HIF1A: variants seen among roughly 807,000 people sequenced by gnomAD.
The protein encoded by HIF1A is hypoxia inducible factor 1 subunit alpha.
Under a neutral mutation model 92.7 loss-of-function variants are expected in HIF1A, and 24 were observed. The ratio of observed to expected loss-of-function variants is 0.26; its 90% CI spans 0.19 to 0.36. HIF1A has a LOEUF of 0.36. Among genes scored for constraint, HIF1A ranks in the 10% least tolerant of loss-of-function variants. The pLI is 1.00. For synonymous variants in HIF1A, 319 were observed against 338.7 expected (o/e 0.94, Z 0.64); for missense variants, 799 against 998.5 (o/e 0.80, Z 2.69).
chr14:61,734,437 C>G (rs1387940126), intron 8 of HIF1A, 152 bp downstream of exon 8: 1 of 602,414 alleles, frequency 1.7e-6, no homozygotes, highest in Non-Finnish European at 2.8e-6. Flanking sequence ...ATACTCTGAC[C>G]TAGGTTTCCA....
chr14:61,745,936 A>C, intron 14 of HIF1A, 119 bp downstream of exon 14: 1 of 963,664 alleles, frequency 1.0e-6, no homozygotes, highest in African/African-American at 1.7e-5. Flanking sequence ...TAAAAAGTAA[A>C]GTTGTGGCTG....
At position 61,738,202 on chromosome 14, in the gene HIF1A, C is replaced by T. The variant is rs1296444850; in HGVS notation, c.1365C>T (p.Thr455=). The T allele has an allele frequency of 1.4e-5, 22 of 1,614,066 alleles. No homozygotes were observed. The highest frequency in any genetic ancestry group is 3.3e-5 in the South Asian group (3 of 91,080). The change falls in exon 10 of 15, where the codon ACC becomes ACT. Residue 455 remains threonine, a synonymous_variant. Coordinates refer to ENST00000337138, the MANE Select transcript of HIF1A (RefSeq NM_001530.4). ...NINLAMSPLP[T]AETPKPLRSS... ...ATTTGGCAATGTCTCCATTACCCAC[C>T]GCTGAAACGCCAAAGCCACTTCGAA...
chr14:61,720,413 C>T lies in HIF1A; in HGVS notation c.67C>T (p.Arg23Ter), dbSNP rs2044413097. The change falls in exon 2 of 15, where the codon CGA (arginine) becomes TGA (stop). Residue 23 changes from arginine to a stop codon, truncating the protein, a stop_gained. Transcript: ENST00000337138. LOFTEE classifies it high-confidence loss of function. Reference protein sequence around the residue: ...ISSERRKEKSRDAARSRRSKE... With the variant: ...ISSERRKEKS ...TTCTGAACGTCGAAAAGAAAAGTCTCGAGATGCAGCCAGATCTCGGCGAAG... is the reference window on the plus strand; with the variant it reads ...TTCTGAACGTCGAAAAGAAAAGTCTTGAGATGCAGCCAGATCTCGGCGAAG... 1.9e-6 allele frequency: 3 copies of T among 1,611,784 alleles called. No homozygotes were observed. The highest frequency in any genetic ancestry group is 8.5e-7 in the Non-Finnish European group (1 of 1,179,324).
intron 1 of HIF1A, among the ~76,000 whole-genome samples, chr14:61,713,811 C>G (rs2044333379): frequency 1.3e-5 from 2 of 152,160 alleles, no homozygotes; most frequent in South Asian, 4.1e-4. Flanking sequence ...GCCAGACTTG[C>G]AACTCCTGTT....
chr14:61,708,849 T>TA (rs2044275303), intron 1 of HIF1A, among the ~76,000 whole-genome samples: 3 of 152,222 alleles, frequency 2.0e-5, no homozygotes, highest in African/African-American at 4.8e-5. Context: ...ACCTTCATCT[T>TA]AGAGTAAAAA....
chr14:61,718,633 A>G (rs2044389663), intron 1 of HIF1A, among the ~76,000 whole-genome samples: 1 of 152,212 alleles, frequency 6.6e-6, no homozygotes, highest in South Asian at 2.1e-4. Flanking sequence ...ATGCAGTGAA[A>G]TGAAAAAATT....
rs1447522222 is a variant in HIF1A, at chr14:61,748,238, A to T, written c.*1153A>T. ...ACTGTATTGTTTTGTTACATCAAAT[A>T]AACATCTTCTGTGGACCAGGCCCCT... On this transcript the variant is annotated 3_prime_UTR_variant, in exon 15 of 15. Transcript: ENST00000337138. 1 of 152,572 alleles carries T rather than the reference A, an allele frequency of 6.6e-6. No homozygotes were observed. Among genetic ancestry groups the T allele is most frequent in the African/African-American group, 2.4e-5 (1 of 41,452 alleles). 9.5% of individuals were successfully genotyped at this position (152,572 alleles called of 1,614,324 possible). A position where few individuals can be genotyped will look rare whatever the true frequency, so the allele number is the denominator to read the frequency against.
intron 1 of HIF1A, among the ~76,000 whole-genome samples, chr14:61,710,040 C>T (rs1370912238): frequency 6.6e-6 from 1 of 152,128 alleles, no homozygotes; most frequent in Non-Finnish European, 1.5e-5. Context: ...ATCTGTGCAT[C>T]TATGAGTTAT....
intron 1 of HIF1A, among the ~76,000 whole-genome samples, chr14:61,707,634 A>T (rs2044255617): frequency 6.6e-6 from 1 of 151,462 alleles, no homozygotes. Flanking sequence ...AAGGACATGA[A>T]CTCATCCTTT....
At chr14:61,734,930 C>A (rs1284834336) in intron 8 of HIF1A, among the ~76,000 whole-genome samples, 2 of 152,154 alleles carry the variant, frequency 1.3e-5, no homozygotes, top group Non-Finnish European at 1.5e-5. Flanking sequence ...AAAAGAAATT[C>A]TATGAGATTA....
At chr14:61,709,220 C>T (rs1183427066) in intron 1 of HIF1A, among the ~76,000 whole-genome samples, 1 of 152,106 alleles carries the variant, frequency 6.6e-6, no homozygotes, top group African/African-American at 2.4e-5. Flanking sequence ...ATAATCAGGG[C>T]TCAAAGATTT....
At chr14:61,725,769 A>G (rs933303362) in intron 4 of HIF1A, among the ~76,000 whole-genome samples, 1 of 151,750 alleles carries the variant, frequency 6.6e-6, no homozygotes, top group African/African-American at 2.4e-5. Context: ...TTTTAGTTAT[A>G]GAAGGTTTGA....
At position 61,710,114 on chromosome 14, in the gene HIF1A, A is replaced by G. The variant is rs113353451; in HGVS notation, c.36-10268A>G. On this transcript the variant is annotated intron_variant, in intron 1 of 14. Transcript: ENST00000337138. ...ACATTACACACAGGAGTGGAATCAT[A>G]CTCAATTTTTTTTGTATAGCCTGCT... 5.1e-3 allele frequency among the ~76,000 whole-genome samples: 775 copies of G among 152,158 alleles called. 6 individuals carry two copies. Among genetic ancestry groups the G allele is most frequent in the African/African-American group, 0.018 (727 of 41,484 alleles).
chr14:61,746,825 C>A, intron 14 of HIF1A, 109 bp from the exon 15 acceptor site: 3 of 813,248 alleles, frequency 3.7e-6, no homozygotes, highest in Non-Finnish European at 5.6e-6. Context: ...AACTAAAAAC[C>A]CTTCCAGAAT....
intron 6 of HIF1A, among the ~76,000 whole-genome samples, chr14:61,731,847 A>G (rs1450819644): frequency 1.3e-5 from 2 of 152,258 alleles, no homozygotes; most frequent in African/African-American, 4.8e-5. Context: ...AAGAATAGGT[A>G]ACAAGTAGGC....
intron 1 of HIF1A, among the ~76,000 whole-genome samples, chr14:61,704,949 C>T (rs946477461): frequency 6.6e-6 from 1 of 152,012 alleles, no homozygotes; most frequent in African/African-American, 2.4e-5. Flanking sequence ...GAGGTTCTTG[C>T]GAAGTACAGA....
intron 7 of HIF1A, among the ~76,000 whole-genome samples, chr14:61,733,488 A>G (rs1002352085): frequency 5.9e-5 from 9 of 152,192 alleles, no homozygotes; most frequent in Non-Finnish European, 1.0e-4. Flanking sequence ...ACTTTGGACT[A>G]TCTCACCTGT....
intron 4 of HIF1A, among the ~76,000 whole-genome samples, chr14:61,725,905 T>C (rs113226107): frequency 0.011 from 1,715 of 151,980 alleles, 35 homozygotes; most frequent in African/African-American, 0.038. Flanking sequence ...CTGCAACCTC[T>C]GCCTCCCACG....
chr14:61,735,993 C>CTTTTT (rs10658676), intron 8 of HIF1A, among the ~76,000 whole-genome samples: 1 of 144,190 alleles, frequency 6.9e-6, no homozygotes, highest in Non-Finnish European at 1.5e-5. Flanking sequence ...TTCTTTTTTT[C>CTTTTT]TTTTTTTTTT....
Sources: allele counts gnomAD v4.1 joint callset (sites outside exome capture counted in the v4.1 genomes callset), GRCh38; gene constraint gnomAD v4.1.1; transcripts MANE v1.5; gene names NCBI Gene and HGNC (gene_info 2026-07-23, HGNC 2026-07-21).